The following PARK7 variants were observed in gnomAD, a reference collection of about 807,000 sequenced individuals.
PARK7 encodes the protein Parkinson disease protein 7.
In PARK7, 14 loss-of-function variants were observed where a neutral mutation model predicts 20.5. The observed-to-expected ratio is 0.68, with a 90% confidence interval of 0.45 to 1.07. PARK7 has a LOEUF of 1.07. PARK7 is among the 50% of genes least tolerant of loss of function. The pLI is 0.00. For missense variants in PARK7, 234 were observed against 238.1 expected (o/e 0.98, Z 0.11); for synonymous variants, 98 against 84.3 (o/e 1.16, Z -0.89).
chr1:7,984,257 G>A lies in PARK7; in HGVS notation c.410-637G>A, dbSNP rs1371833273. Among the ~76,000 whole-genome samples, 1 of 152,176 alleles carries A rather than the reference G, an allele frequency of 6.6e-6. No homozygotes were observed. The highest frequency in any genetic ancestry group is 2.4e-5 in the African/African-American group (1 of 41,438). The stretch of plus-strand genomic sequence containing the variant: ...GGCTCTGTGTGCAGTGGAGAGGCTG[G>A]TGACTACCTGCTGTGGAGGGGCAGA... On this transcript the variant is annotated intron_variant, in intron 6 of 6. Coordinates refer to ENST00000338639, the MANE Select transcript of PARK7 (RefSeq NM_007262.5). The surrounding 1 kb of genome is among the most constrained non-coding windows in gnomAD (Gnocchi z 4.3).
intron 1 of PARK7, chr1:7,962,206 A>T (rs1640220713): frequency 6.5e-6 from 1 of 153,350 alleles, no homozygotes; most frequent in Admixed American, 6.5e-5. Flanking sequence ...CAGTGAGGGG[A>T]TTTCCATCTT....
In PARK7 at chr1:7,984,794, T is replaced by G; in HGVS notation, c.410-100T>G. On this transcript the variant is annotated intron_variant, in intron 6 of 6. Transcript: ENST00000338639. This position sits in a 1 kb window ranked among gnomAD's most constrained non-coding sequence, Gnocchi z 4.3. ...TGTTTTTGAATGGTTAGCTACAGTG[T>G]TGGGTTTATATGCTGTAATAGTGAA... 1 of 1,400,026 alleles carries G rather than the reference T, an allele frequency of 7.1e-7. No individual in the cohort carries two copies. Among genetic ancestry groups the G allele is most frequent in the Non-Finnish European group, 1.0e-6 (1 of 993,520 alleles). 86.7% of individuals were successfully genotyped at this position (1,400,026 alleles called of 1,614,324 possible). A position where few individuals can be genotyped will look rare whatever the true frequency, so the allele number is the denominator to read the frequency against.
intron 2 of PARK7, among the ~76,000 whole-genome samples, chr1:7,964,006 G>A (rs542305189): frequency 1.3e-5 from 2 of 151,988 alleles, no homozygotes; most frequent in South Asian, 4.2e-4. Context: ...TAGTAGATGG[G>A]GTTTCACCAT....
At chr1:7,976,587 T>G (rs1012389385) in intron 5 of PARK7, among the ~76,000 whole-genome samples, 12 of 152,230 alleles carry the variant, frequency 7.9e-5, no homozygotes, top group African/African-American at 2.4e-4. Context: ...TGCTAGTGCC[T>G]TTATATCTCA....
chr1:7,974,071 A>G (rs902865324), intron 5 of PARK7, among the ~76,000 whole-genome samples: 5 of 151,596 alleles, frequency 3.3e-5, no homozygotes, highest in African/African-American at 1.2e-4. Flanking sequence ...GCACTTTGGG[A>G]GACTGAGGTG....
intron 4 of PARK7, 38 bp downstream of exon 4, chr1:7,969,442 G>A: frequency 3.0e-6 from 3 of 993,312 alleles, no homozygotes; most frequent in South Asian, 1.3e-5. Context: ...AATAAAGCTG[G>A]GGGGGGGGAA....
intron 5 of PARK7, 113 bp from the exon 6 acceptor site, chr1:7,977,539 C>T (rs1640610339): frequency 1.1e-6 from 1 of 895,794 alleles, no homozygotes. Flanking sequence ...TCTACCTAGG[C>T]CTCCCCAATT....
chr1:7,967,397 A>G (rs1578093599), intron 3 of PARK7, among the ~76,000 whole-genome samples: 1 of 152,158 alleles, frequency 6.6e-6, no homozygotes, highest in South Asian at 2.1e-4. Flanking sequence ...GTGTCTCTTC[A>G]GTATACTGAT....
At chr1:7,970,992 G>T in intron 5 of PARK7, 29 bp downstream of exon 5, 1 of 1,612,886 alleles carries the variant, frequency 6.2e-7, no homozygotes, top group African/African-American at 1.3e-5. Context: ...CTGTGTTGCA[G>T]CGTCATTGGT....
chr1:7,968,634 A>G (rs191576868), intron 3 of PARK7, among the ~76,000 whole-genome samples: 85 of 151,782 alleles, frequency 5.6e-4, no homozygotes, highest in Non-Finnish European at 1.0e-3. Context: ...TCCTGCCTCA[A>G]CCCCCCAAGT....
At chr1:7,977,246 A>G (rs1296537407) in intron 5 of PARK7, among the ~76,000 whole-genome samples, 3 of 152,122 alleles carry the variant, frequency 2.0e-5, no homozygotes, top group Non-Finnish European at 1.5e-5. Context: ...CATTTTGTTT[A>G]TCTGTGTATG....
At chr1:7,967,426 A>G (rs890987688) in intron 3 of PARK7, among the ~76,000 whole-genome samples, 1 of 152,234 alleles carries the variant, frequency 6.6e-6, no homozygotes, top group East Asian at 1.9e-4. Context: ...CATTGGATAC[A>G]TGCCAAGTAG....
chr1:7,961,926 C>G (rs1640211392), intron 1 of PARK7, 133 bp downstream of exon 1: 1 of 152,350 alleles, frequency 6.6e-6, no homozygotes. Context: ...CGGGGCCGCC[C>G]TCGCTTCCGG....
intron 4 of PARK7, among the ~76,000 whole-genome samples, chr1:7,970,471 G>C (rs1322681520): frequency 6.6e-6 from 1 of 152,072 alleles, no homozygotes; most frequent in Admixed American, 6.5e-5. Context: ...AGGCCAGGGT[G>C]AGGGGCACAC....
intron 5 of PARK7, among the ~76,000 whole-genome samples, chr1:7,977,159 G>A (rs552645448): frequency 1.3e-5 from 2 of 152,316 alleles, no homozygotes; most frequent in Non-Finnish European, 2.9e-5. Flanking sequence ...GCCCGCCCCA[G>A]TGATCCTCCC....
At chr1:7,971,955 AAAAT>A (rs1414346050) in intron 5 of PARK7, 1 of 152,196 alleles carries the variant, frequency 6.6e-6, no homozygotes. Context: ...AAAATAAAAT[AAAAT>A]AAATATTTGT....
At chr1:7,981,274 C>G (rs1640703881) in intron 6 of PARK7, among the ~76,000 whole-genome samples, 1 of 152,222 alleles carries the variant, frequency 6.6e-6, no homozygotes, top group Admixed American at 6.5e-5. Flanking sequence ...GGTGAAAAGA[C>G]TTCCCTCACC....
chr1:7,985,324 T>C lies in PARK7; in HGVS notation c.*270T>C. ...TTGTCTCTCATTTCTTTTGTGAAATTAAATTCCGTATCACCTTCATTTGCA... is the reference window on the plus strand; with the variant it reads ...TTGTCTCTCATTTCTTTTGTGAAATCAAATTCCGTATCACCTTCATTTGCA... On this transcript the variant is annotated 3_prime_UTR_variant, in exon 7 of 7. Transcript: ENST00000338639. The C allele has an allele frequency of 6.6e-6, 3 of 457,796 alleles. No individual in the cohort carries two copies. The highest frequency in any genetic ancestry group is 1.2e-5 in the Non-Finnish European group (3 of 248,562). The allele number at this position is 457,796 out of a possible 1,614,324, so 28.4% of individuals were successfully genotyped here.
intron 3 of PARK7, among the ~76,000 whole-genome samples, chr1:7,966,155 G>T (rs1640324222): frequency 6.6e-6 from 1 of 152,060 alleles, no homozygotes; most frequent in African/African-American, 2.4e-5. Context: ...AGCGTGACAG[G>T]AGTGTGGACT....
Sources: allele counts gnomAD v4.1 joint callset (sites outside exome capture counted in the v4.1 genomes callset), GRCh38; gene constraint gnomAD v4.1.1; non-coding constraint Gnocchi (gnomAD v3.1); transcripts MANE v1.5; gene names NCBI Gene and HGNC (gene_info 2026-07-23, HGNC 2026-07-21).